The following XRCC4 variants were observed in gnomAD, a reference collection of about 807,000 sequenced individuals.
XRCC4 encodes the protein DNA repair protein XRCC4.
XRCC4 carries 28 observed loss-of-function variants against 39.1 expected under a neutral mutation model. The observed-to-expected ratio is 0.72, with a 90% CI of 0.53 to 0.98. The LOEUF (loss-of-function observed/expected upper bound fraction) is 0.98. XRCC4 is among the 50% of genes least tolerant of loss of function. The pLI is 0.00. For synonymous variants in XRCC4, 123 were observed against 126.4 expected (o/e 0.97, Z 0.18); for missense variants, 350 against 376.4 (o/e 0.93, Z 0.58).
chr5:83,246,214 C>T (rs1293814159), intron 6 of XRCC4, among the ~76,000 whole-genome samples: 2 of 151,966 alleles, frequency 1.3e-5, no homozygotes, highest in Non-Finnish European at 2.9e-5. Flanking sequence ...TTCTTTTCTA[C>T]TTTTCCAGCT....
chr5:83,146,311 A>T (rs1198090933), intron 3 of XRCC4, among the ~76,000 whole-genome samples: 1 of 152,150 alleles, frequency 6.6e-6, no homozygotes. Flanking sequence ...ACTTTCTCTG[A>T]GCTATTTCAA....
At position 83,300,800 on chromosome 5, in the gene XRCC4, A is replaced by G. The variant is rs201951000; in HGVS notation, c.893+42123A>G. Among the ~76,000 whole-genome samples, 28 of 151,620 alleles carry G rather than the reference A, an allele frequency of 1.8e-4. No homozygotes were observed. The East Asian group carries it at 2.3e-3, about 13-fold the overall frequency. On this transcript the variant is annotated intron_variant, in intron 7 of 7. Transcript: ENST00000396027. ...TTGTGCCATATGTTCTCATTGTTCA[A>G]CTTCCACTTATGAGTGAGAACATGC...
At chr5:83,229,250 T>C (rs1232465256) in intron 6 of XRCC4, among the ~76,000 whole-genome samples, 1 of 151,850 alleles carries the variant, frequency 6.6e-6, no homozygotes, top group African/African-American at 2.4e-5. Context: ...TGGACTTGAG[T>C]TTTGGGGCAC....
intron 3 of XRCC4, among the ~76,000 whole-genome samples, chr5:83,158,135 C>T (rs550076395): frequency 5.3e-5 from 8 of 152,124 alleles, no homozygotes; most frequent in African/African-American, 1.7e-4. Flanking sequence ...AAGCTAGTTA[C>T]GTTCAATACC....
intron 3 of XRCC4, among the ~76,000 whole-genome samples, chr5:83,142,445 A>G (rs1211083105): frequency 6.6e-6 from 1 of 152,242 alleles, no homozygotes; most frequent in Non-Finnish European, 1.5e-5. Context: ...TTACAATACT[A>G]TATATCATGT....
chr5:83,309,296 A>AAAAAAAAAAAAAATATATAT (rs1561467702), intron 7 of XRCC4, among the ~76,000 whole-genome samples: 2 of 72,232 alleles, frequency 2.8e-5, no homozygotes, highest in Non-Finnish European at 4.1e-5. Flanking sequence ...AAAAAAAAAA[A>AAAAAAAAAAAAAATATATAT]ATATATATAT....
chr5:83,246,723 T>G (rs926688506), intron 6 of XRCC4, among the ~76,000 whole-genome samples: 1 of 152,220 alleles, frequency 6.6e-6, no homozygotes, highest in African/African-American at 2.4e-5. Context: ...TCTCATTTTT[T>G]TCCATTTTAT....
chr5:83,258,765 C>A, intron 7 of XRCC4, 88 bp downstream of exon 7: 3 of 1,427,846 alleles, frequency 2.1e-6, no homozygotes, highest in East Asian at 2.4e-5. Flanking sequence ...TCATTTTGAA[C>A]GTTTTTAAAG....
the XRCC4 span, among the ~76,000 whole-genome samples, chr5:83,365,188 G>T: frequency 8.5e-5 from 13 of 152,218 alleles, no homozygotes; most frequent in East Asian, 1.9e-3. Flanking sequence ...TGCTCAAAAG[G>T]CCCTGGAAAG....
In XRCC4 at chr5:83,253,139, G is replaced by A. The variant is rs567502374; in HGVS notation, c.746-5391G>A. Among the ~76,000 whole-genome samples the A allele has an allele frequency of 5.9e-5, 9 of 152,258 alleles. No homozygotes were observed. In the South Asian group the frequency reaches 1.7e-3, roughly 28 times the overall value. On this transcript the variant is annotated intron_variant, in intron 6 of 7. Transcript: ENST00000396027. ...ATAGATGAGCCAGTAAAGGAGTAGA[G>A]GGCATTCAAAACAGGGGAAGTACAG...
intron 1 of XRCC4, among the ~76,000 whole-genome samples, chr5:83,088,073 C>T (rs1745262823): frequency 6.6e-6 from 1 of 152,126 alleles, no homozygotes; most frequent in Admixed American, 6.6e-5. Context: ...TTGGATTCCT[C>T]AGGCAAACCT....
chr5:83,210,142 T>G (rs905546516), intron 6 of XRCC4, among the ~76,000 whole-genome samples: 1 of 152,170 alleles, frequency 6.6e-6, no homozygotes, highest in African/African-American at 2.4e-5. Context: ...ATCAAAGGGC[T>G]TGTTGCTTCA....
intron 7 of XRCC4, among the ~76,000 whole-genome samples, chr5:83,286,393 T>C (rs984472906): frequency 3.3e-5 from 5 of 152,104 alleles, no homozygotes; most frequent in African/African-American, 1.2e-4. Context: ...ATCCTCTACA[T>C]TCATGATAGC....
rs2927751 is a variant in XRCC4 at position 83,096,263 on chromosome 5, G to T, written c.-10-8647G>T. On this transcript the variant is annotated intron_variant, in intron 1 of 7. Coordinates refer to ENST00000396027, the MANE Select transcript of XRCC4 (RefSeq NM_003401.5). ...CAATCCCATCCCAGTGGCTCAGATGGGTAAGTGTTTCTCTGGGTTTTTGTG... is the reference window on the plus strand; with the variant it reads ...CAATCCCATCCCAGTGGCTCAGATGTGTAAGTGTTTCTCTGGGTTTTTGTG... Among the ~76,000 whole-genome samples the T allele has an allele frequency of 1.1e-4, 17 of 152,200 alleles. No homozygotes were observed. In the East Asian group the frequency reaches 1.7e-3, roughly 16 times the overall value.
intron 3 of XRCC4, among the ~76,000 whole-genome samples, chr5:83,122,252 C>T (rs1747046068): frequency 1.3e-5 from 2 of 152,158 alleles, no homozygotes; most frequent in Admixed American, 1.3e-4. Context: ...ATTGGATCTA[C>T]AGAATTGACA....
chr5:83,258,581 T>C lies in XRCC4; in HGVS notation c.797T>C (p.Ile266Thr), dbSNP rs545942955. Residue 266 changes from isoleucine to threonine, a missense_variant, in exon 7 of 8, where the codon ATT (isoleucine) becomes ACT (threonine). Ile to Thr is a moderately conservative substitution (Grantham distance 89, BLOSUM62 -1). Transcript: ENST00000396027. ...SIISSLDVTDIAPSRKRRQRM... is the reference protein window; with the variant it reads ...SIISSLDVTDTAPSRKRRQRM... ...ATTTCAAGTCTTGATGTCACTGATA[T>C]TGCACCAAGTAGAAAAAGGAGACAG... The C allele has an allele frequency of 6.2e-6, 10 of 1,610,486 alleles. No homozygotes were observed. Among genetic ancestry groups the C allele is most frequent in the South Asian group, 5.5e-5 (5 of 90,124 alleles).
At chr5:83,117,657 GTGTGTGTGTGTGTGTGTATGTATGTA>G (rs929954469) in intron 3 of XRCC4, among the ~76,000 whole-genome samples, 4 of 149,080 alleles carry the variant, frequency 2.7e-5, no homozygotes, top group African/African-American at 1.0e-4. Context: ...GTGTGTGTGT[GTGTGTGTGTGTGTGTGTATGTATGTA>G]TATGTATGTA....
At chr5:83,144,533 GT>G (rs1011640214) in intron 3 of XRCC4, among the ~76,000 whole-genome samples, 9 of 123,916 alleles carry the variant, frequency 7.3e-5, no homozygotes, top group Admixed American at 1.6e-4. Flanking sequence ...TTGTTTGTTT[GT>G]TTGTTTTGTG....
At chr5:83,372,302 T>C in the XRCC4 span, among the ~76,000 whole-genome samples, 1 of 152,350 alleles carries the variant, frequency 6.6e-6, no homozygotes, top group East Asian at 1.9e-4. Flanking sequence ...ATGTTTGCAC[T>C]GTGGGAAGTC....
Sources: allele counts gnomAD v4.1 joint callset (sites outside exome capture counted in the v4.1 genomes callset), GRCh38; gene constraint gnomAD v4.1.1; transcripts MANE v1.5; gene names NCBI Gene and HGNC (gene_info 2026-07-23, HGNC 2026-07-21).